CREB3L2: variants seen among roughly 807,000 people sequenced by gnomAD.
CREB3L2 encodes the protein cAMP responsive element binding protein 3 like 2, also known as cyclic AMP-responsive element-binding protein 3-like protein 2.
Under a neutral mutation model 57.2 loss-of-function variants are expected in CREB3L2, and 23 were observed. The observed-to-expected ratio is 0.40, with a 90% confidence interval of 0.29 to 0.57. The LOEUF (loss-of-function observed/expected upper bound fraction) is 0.57. Ranked by LOEUF, CREB3L2 falls within the 20% of genes least tolerant of loss-of-function variation. The probability of loss-of-function intolerance (pLI) is 0.42; values close to 1 mark genes in which losing one functional copy is unlikely to be tolerated. For synonymous variants in CREB3L2, 268 were observed against 265.1 expected (o/e 1.01, Z -0.11); for missense variants, 628 against 634.7 (o/e 0.99, Z 0.11).
chr7:137,920,170 G>T (rs1800242071), intron 2 of CREB3L2, among the ~76,000 whole-genome samples: 1 of 151,566 alleles, frequency 6.6e-6, no homozygotes, highest in East Asian at 1.9e-4. Flanking sequence ...TTAGAATTTT[G>T]CAGTGACCTC....
intron 2 of CREB3L2, chr7:137,922,629 G>C (rs1356834446): frequency 2.2e-6 from 1 of 446,572 alleles, no homozygotes; most frequent in Non-Finnish European, 4.5e-6. Flanking sequence ...TGAACAACAC[G>C]GGTTTTGAAC....
chr7:137,900,327 G>A, intron 8 of CREB3L2, among the ~76,000 whole-genome samples: 1 of 152,186 alleles, frequency 6.6e-6, no homozygotes, highest in East Asian at 1.9e-4. Flanking sequence ...TAGTGAGGAT[G>A]ATAATAATGG....
rs555669994 is a variant in CREB3L2 at position 137,927,703 on chromosome 7, G to A, written c.319+447C>T. Among the ~76,000 whole-genome samples, 21 of 152,010 alleles carry A rather than the reference G, an allele frequency of 1.4e-4. No individual in the cohort carries two copies. In the South Asian group the frequency reaches 4.4e-3, roughly 32 times the overall value. ...AGGAATGTCCACTAAGATCTGGGGT[G>A]GGGGACATGGGGTCAATAGAACATG... On this transcript the variant is annotated intron_variant, in intron 2 of 11. Coordinates refer to ENST00000330387, the MANE Select transcript of CREB3L2 (RefSeq NM_194071.4).
chr7:137,996,739 C>T (rs1801993569), intron 1 of CREB3L2, among the ~76,000 whole-genome samples: 1 of 152,190 alleles, frequency 6.6e-6, no homozygotes. Context: ...TCCCTACCTA[C>T]CACTGTCTGG....
intron 4 of CREB3L2, among the ~76,000 whole-genome samples, chr7:137,909,537 C>A (rs917795707): frequency 6.6e-6 from 1 of 152,224 alleles, no homozygotes. Context: ...CTGGAGCCCC[C>A]AGGACAATGG....
At chr7:137,885,265 C>T in intron 9 of CREB3L2, 138 bp downstream of exon 9, 1 of 1,181,516 alleles carries the variant, frequency 8.5e-7, no homozygotes, top group East Asian at 2.4e-5. Flanking sequence ...GAGTGCCTCA[C>T]CGAGGAACAG....
At chr7:137,897,089 G>A (rs140580477) in intron 8 of CREB3L2, among the ~76,000 whole-genome samples, 1 of 152,106 alleles carries the variant, frequency 6.6e-6, no homozygotes, top group East Asian at 1.9e-4. Flanking sequence ...GCTAAGCATT[G>A]GCACCAAAAA....
rs541901247 is a variant in CREB3L2, at chr7:137,975,643, A to AGAT, written c.102+25958_102+25960dup. Among the ~76,000 whole-genome samples the AGAT allele has an allele frequency of 1.6e-4, 25 of 152,320 alleles. No individual in the cohort carries two copies. The South Asian group carries it at 4.8e-3, about 29-fold the overall frequency. On this transcript the variant is annotated intron_variant, in intron 1 of 11. Coordinates refer to ENST00000330387, the MANE Select transcript of CREB3L2 (RefSeq NM_194071.4). ...AAGTAGCACACGGCATACTTCTCCT[A>AGAT]GATGCTCTCTGCGTCTTCCAGCACC... is the stretch of plus-strand genomic sequence containing the variant.
At chr7:137,957,872 G>C in intron 1 of CREB3L2, 1 of 932,050 alleles carries the variant, frequency 1.1e-6, no homozygotes, top group Non-Finnish European at 1.5e-6. Context: ...ACTAATTTTT[G>C]CTGTATCACA....
chr7:137,942,261 C>T (rs923025251), intron 1 of CREB3L2, among the ~76,000 whole-genome samples: 3 of 152,202 alleles, frequency 2.0e-5, no homozygotes, highest in African/African-American at 7.2e-5. Context: ...TTTGGTGGCA[C>T]TGCTGAAAAC....
intron 8 of CREB3L2, among the ~76,000 whole-genome samples, chr7:137,899,196 GGA>G (rs1424794745): frequency 6.6e-6 from 1 of 151,434 alleles, no homozygotes; most frequent in Admixed American, 6.6e-5. Context: ...CACCTGCAGA[GGA>G]GAGGAGAGAC....
At chr7:137,963,086 C>G (rs274011) in intron 1 of CREB3L2, among the ~76,000 whole-genome samples, 74,869 of 152,004 alleles carry the variant, frequency 0.49, 19,714 homozygotes, top group East Asian at 0.74. Context: ...AACCAGCCCC[C>G]CTCCTTCACG....
chr7:137,937,610 C>T (rs899049712), intron 1 of CREB3L2, among the ~76,000 whole-genome samples: 2 of 152,044 alleles, frequency 1.3e-5, no homozygotes, highest in African/African-American at 2.4e-5. Flanking sequence ...TCAAGGATAC[C>T]CAATTCTTTT....
chr7:137,946,856 C>A (rs273997), intron 1 of CREB3L2, among the ~76,000 whole-genome samples: 4,594 of 31,944 alleles, frequency 0.14, 1,430 homozygotes, highest in Admixed American at 0.29. Flanking sequence ...ATATAGTTAT[C>A]TATATAGTTA....
chr7:137,967,558 A>C (rs1208327990), intron 1 of CREB3L2, among the ~76,000 whole-genome samples: 1 of 152,128 alleles, frequency 6.6e-6, no homozygotes, highest in Non-Finnish European at 1.5e-5. Context: ...ACCCAAAACA[A>C]GAGATACTCC....
In CREB3L2 at chr7:137,995,333, C is replaced by CTTTTTTTTTTTTTTTTT. The variant is rs10676214; in HGVS notation, c.102+6254_102+6270dup. Among the ~76,000 whole-genome samples the CTTTTTTTTTTTTTTTTT allele has an allele frequency of 1.5e-3, 132 of 87,426 alleles. 6 individuals carry two copies. Among genetic ancestry groups the CTTTTTTTTTTTTTTTTT allele is most frequent in the Middle Eastern group, 0.014 (1 of 72 alleles). The allele number at this position is 87,426 out of a possible 152,430, so 57.4% of individuals were successfully genotyped here. A position where few individuals can be genotyped will look rare whatever the true frequency, so the allele number is the denominator to read the frequency against. Reference sequence around the variant, plus strand: ...CTATTTCTTTTTTTTTCTTTTCTTTCTTTTTTTTTTTTTTTTTTTGAGACA... The same window carrying CTTTTTTTTTTTTTTTTT: ...CTATTTCTTTTTTTTTCTTTTCTTTCTTTTTTTTTTTTTTTTTTTTTTTTTTTTTTTTTTTTGAGACA... On this transcript the variant is annotated intron_variant, in intron 1 of 11. Transcript: ENST00000330387.
intron 1 of CREB3L2, among the ~76,000 whole-genome samples, chr7:137,948,783 G>A (rs942084037): frequency 1.3e-5 from 2 of 152,154 alleles, no homozygotes; most frequent in Non-Finnish European, 2.9e-5. Context: ...GTTATAGACT[G>A]CAAGCTCCAA....
At chr7:137,965,788 A>T (rs1801397827) in intron 1 of CREB3L2, among the ~76,000 whole-genome samples, 1 of 152,242 alleles carries the variant, frequency 6.6e-6, no homozygotes, top group South Asian at 2.1e-4. Flanking sequence ...ATGCCTGAGG[A>T]GGAGCAAAAC....
In CREB3L2 at chr7:138,001,953, G is replaced by A. The variant is rs995351758; in HGVS notation, c.-248C>T. The A allele has an allele frequency of 2.3e-6, 1 of 438,068 alleles. No individual in the cohort carries two copies. The highest frequency in any genetic ancestry group is 4.2e-5 in the South Asian group (1 of 23,700). 27.1% of individuals were successfully genotyped at this position (438,068 alleles called of 1,614,324 possible). On this transcript the variant is annotated 5_prime_UTR_variant, in exon 1 of 12. Coordinates refer to ENST00000330387, the MANE Select transcript of CREB3L2 (RefSeq NM_194071.4). This position sits in a 1 kb window ranked among gnomAD's most constrained non-coding sequence, Gnocchi z 4.2. Reference sequence around the variant, plus strand: ...ACGAGCCGGACCAAAGGCTGCCGGGGCTAAAGCGGGATGTGCATCCAAAAT... The same window carrying A: ...ACGAGCCGGACCAAAGGCTGCCGGGACTAAAGCGGGATGTGCATCCAAAAT...
Sources: gnomAD v4.1 joint callset for allele counts (sites outside exome capture counted in the v4.1 genomes callset) on GRCh38, gnomAD v4.1.1 for gene constraint, Gnocchi (gnomAD v3.1) non-coding constraint, MANE v1.5 for transcripts, NCBI Gene and HGNC (gene_info 2026-07-23, HGNC 2026-07-21) for gene names.